NFASC: variants seen among roughly 807,000 people sequenced by gnomAD.
NFASC encodes the protein neurofascin.
Under a neutral mutation model 147.5 loss-of-function variants are expected in NFASC, and 43 were observed. The observed-to-expected ratio is 0.29, with a 90% CI of 0.23 to 0.38. The LOEUF (loss-of-function observed/expected upper bound fraction) is 0.38. Ranked by LOEUF, NFASC falls within the 10% of genes least tolerant of loss-of-function variation. The pLI is 1.00. For synonymous variants in NFASC, 622 were observed against 665.5 expected (o/e 0.93, Z 1.01); for missense variants, 1,320 against 1,689.0 (o/e 0.78, Z 3.83).
intron 3 of NFASC, chr1:204,948,511 T>C: frequency 2.1e-6 from 1 of 483,804 alleles, no homozygotes. Context: ...TTCTCCAGAA[T>C]GTCAAGGAGA....
At chr1:204,870,667 C>T (rs1005900180) in intron 1 of NFASC, 11 of 1,076,814 alleles carry the variant, frequency 1.0e-5, no homozygotes, top group Middle Eastern at 4.4e-4. Flanking sequence ...GGAGACCCAG[C>T]GGTGAGCGAG....
intron 28 of NFASC, 120 bp downstream of exon 28, chr1:205,009,808 A>G (rs1013476613): frequency 3.7e-6 from 4 of 1,077,964 alleles, no homozygotes; most frequent in Non-Finnish European, 5.4e-6. Flanking sequence ...CCTTGCCCGG[A>G]TTGGAAATAC....
Position 204,954,952 on chromosome 1 carries a change from G to A in NFASC, c.535+1G>A. Reference sequence around the variant, plus strand: ...CCGGTCATCTTCTGGATGAGCAGCTGTGAGTCTTGGGGGCCTGGTGTTGTG... The same window carrying A: ...CCGGTCATCTTCTGGATGAGCAGCTATGAGTCTTGGGGGCCTGGTGTTGTG... On this transcript the variant is annotated splice_donor_variant, in intron 7 of 29. Coordinates refer to ENST00000339876, the MANE Select transcript of NFASC (RefSeq NM_001005388.3). LOFTEE classifies it high-confidence loss of function. This position sits in a 1 kb window ranked among gnomAD's most constrained non-coding sequence, Gnocchi z 5.7. 6.2e-7 allele frequency: 1 copy of A among 1,613,956 alleles called. No individual in the cohort carries two copies. Among genetic ancestry groups the A allele is most frequent in the Non-Finnish European group, 8.5e-7 (1 of 1,179,952 alleles).
At position 205,020,423 on chromosome 1, in the gene NFASC, T is replaced by TTCAAC. The variant is rs2096392728; in HGVS notation, c.*3884_*3885insTCAAC. The TTCAAC allele has an allele frequency of 1.3e-5, 2 of 152,244 alleles. No individual in the cohort carries two copies. The highest frequency in any genetic ancestry group is 4.1e-4 in the South Asian group (2 of 4,828). 9.4% of individuals were successfully genotyped at this position (152,244 alleles called of 1,614,324 possible). On this transcript the variant is annotated 3_prime_UTR_variant, in exon 30 of 30. Coordinates refer to ENST00000339876, the MANE Select transcript of NFASC (RefSeq NM_001005388.3). ...ATTCCAACATTGTCTTGGAGAGGGTTAGTCCACATCCAAGTTGCGTGAGAT... is the reference window on the plus strand; with the variant it reads ...ATTCCAACATTGTCTTGGAGAGGGTTTCAACAGTCCACATCCAAGTTGCGTGAGAT...
At chr1:204,916,708 T>C (rs1166485051) in intron 1 of NFASC, among the ~76,000 whole-genome samples, 1 of 126,666 alleles carries the variant, frequency 7.9e-6, no homozygotes, top group East Asian at 2.3e-4. Context: ...GATTCTTTTT[T>C]GTTTTTTTTG....
At chr1:204,964,303 G>A (rs1471661497) in intron 8 of NFASC, among the ~76,000 whole-genome samples, 1 of 152,228 alleles carries the variant, frequency 6.6e-6, no homozygotes, top group Non-Finnish European at 1.5e-5. Flanking sequence ...CTTAACAAGT[G>A]TTACCCATTA....
At chr1:204,950,335 G>A (rs76157290) in intron 3 of NFASC, among the ~76,000 whole-genome samples, 2,350 of 152,294 alleles carry the variant, frequency 0.015, 41 homozygotes, top group Non-Finnish European at 0.024. Flanking sequence ...CAGGGGAGGC[G>A]TCACCTTCTC....
At chr1:204,973,201 C>A (rs2095309760) in intron 11 of NFASC, 75 bp from the exon 12 acceptor site, 1 of 1,542,228 alleles carries the variant, frequency 6.5e-7, no homozygotes, top group Non-Finnish European at 8.9e-7. Context: ...TCCTGGGAGC[C>A]CTGGCCAGAG....
At chr1:204,892,399 G>A (rs75080504) in intron 1 of NFASC, among the ~76,000 whole-genome samples, 1 of 152,166 alleles carries the variant, frequency 6.6e-6, no homozygotes, top group Non-Finnish European at 1.5e-5. Context: ...AGTTAAGCTG[G>A]GCTCTGTTGG....
rs2096392366 is a variant in NFASC at position 205,020,384 on chromosome 1, G to A, written c.*3845G>A. 1 of 152,326 alleles carries A rather than the reference G, an allele frequency of 6.6e-6. No individual in the cohort carries two copies. The highest frequency in any genetic ancestry group is 1.5e-5 in the Non-Finnish European group (1 of 68,090). 9.4% of individuals were successfully genotyped at this position (152,326 alleles called of 1,614,324 possible). A position where few individuals can be genotyped will look rare whatever the true frequency, so the allele number is the denominator to read the frequency against. On this transcript the variant is annotated 3_prime_UTR_variant, in exon 30 of 30. Transcript: ENST00000339876. The stretch of plus-strand genomic sequence containing the variant: ...CCTGTTGCCAAGCAGTGCTTCCAAG[G>A]GATAGCGATCCAGATTCCAACATTG...
chr1:204,905,361 T>C (rs1403164912), intron 1 of NFASC, among the ~76,000 whole-genome samples: 3 of 140,894 alleles, frequency 2.1e-5, no homozygotes, highest in African/African-American at 8.1e-5. Flanking sequence ...CCAGCTTTTG[T>C]TATTTTCAGT....
chr1:204,979,129 A>T lies in NFASC; in HGVS notation c.1978+60A>T. The T allele has an allele frequency of 7.1e-7, 1 of 1,399,764 alleles. No individual in the cohort carries two copies. The highest frequency in any genetic ancestry group is 1.3e-5 in the South Asian group (1 of 78,912). The allele number at this position is 1,399,764 out of a possible 1,614,324, so 86.7% of individuals were successfully genotyped here. On this transcript the variant is annotated intron_variant, in intron 18 of 29. Transcript: ENST00000339876. This position sits in a 1 kb window ranked among gnomAD's most constrained non-coding sequence, Gnocchi z 6.0. ...GAGGGACGGCAACACCCTTAAACCG[A>T]AGGCCTTTCCTGGTTTCCAGCCCCA... is the stretch of plus-strand genomic sequence containing the variant.
intron 1 of NFASC, among the ~76,000 whole-genome samples, chr1:204,908,524 G>A (rs2247208): frequency 0.89 from 135,370 of 152,016 alleles, 60,515 homozygotes; most frequent in African/African-American, 0.96. Context: ...TTTTTTTGAG[G>A]GTATTATAGA....
At position 204,971,431 on chromosome 1, in the gene NFASC, G is replaced by T. The variant is rs1262138248; in HGVS notation, c.1135+684G>T. ...AATGTCCTGTCCTTACTTTCTCTAA[G>T]AGGTCAGAGGAAATGTAAACAATGG... On this transcript the variant is annotated intron_variant, in intron 11 of 29. Coordinates refer to ENST00000339876, the MANE Select transcript of NFASC (RefSeq NM_001005388.3). 2.0e-5 allele frequency among the ~76,000 whole-genome samples: 3 copies of T among 152,220 alleles called. No individual in the cohort carries two copies. In the East Asian group the frequency reaches 5.8e-4, roughly 29 times the overall value.
chr1:204,969,389 G>A (rs1225259252), intron 10 of NFASC, among the ~76,000 whole-genome samples: 23 of 152,168 alleles, frequency 1.5e-4, no homozygotes, highest in Non-Finnish European at 4.4e-5. Context: ...AAACTGGGGA[G>A]TGGTCATGGC....
chr1:204,836,504 C>G (rs556012559), intron 1 of NFASC, among the ~76,000 whole-genome samples: 67 of 152,270 alleles, frequency 4.4e-4, no homozygotes, highest in African/African-American at 1.5e-3. Context: ...GGGGCACCAC[C>G]AATGTTTATG....
intron 1 of NFASC, among the ~76,000 whole-genome samples, chr1:204,885,815 A>G (rs773029208): frequency 2.6e-5 from 4 of 152,152 alleles, no homozygotes; most frequent in Non-Finnish European, 5.9e-5. Flanking sequence ...TGAAATGGTG[A>G]GACTATTCCA....
At position 205,015,285 on chromosome 1, in the gene NFASC, GAGACCCAGACTCCCACTGCTC is replaced by G. The variant is rs527485947; in HGVS notation, c.3492-1000_3492-980del. On this transcript the variant is annotated intron_variant, in intron 29 of 29. Transcript: ENST00000339876. The surrounding 1 kb of genome is among the most constrained non-coding windows in gnomAD (Gnocchi z 4.0). ...CTGGCACCGCTATGGTCCCACCACTGAGACCCAGACTCCCACTGCTCAGACCCAGACTCCCACTGCTCATCC... is the reference window on the plus strand; with the variant it reads ...CTGGCACCGCTATGGTCCCACCACTGAGACCCAGACTCCCACTGCTCATCC... Among the ~76,000 whole-genome samples the G allele has an allele frequency of 5.1e-4, 77 of 152,236 alleles. No individual in the cohort carries two copies. Among genetic ancestry groups the G allele is most frequent in the African/African-American group, 1.3e-3 (55 of 41,534 alleles).
chr1:205,011,547 C>A (rs2096254114), intron 28 of NFASC, among the ~76,000 whole-genome samples: 1 of 152,152 alleles, frequency 6.6e-6, no homozygotes, highest in Admixed American at 6.5e-5. Context: ...TGCCCTTTGC[C>A]CTTTCAGAAA....
Sources: gnomAD v4.1 joint callset for allele counts (sites outside exome capture counted in the v4.1 genomes callset) on GRCh38, gnomAD v4.1.1 for gene constraint, Gnocchi (gnomAD v3.1) non-coding constraint, MANE v1.5 for transcripts, NCBI Gene and HGNC (gene_info 2026-07-23, HGNC 2026-07-21) for gene names.